ARFGAP3: variants seen among roughly 807,000 people sequenced by gnomAD.
The protein encoded by ARFGAP3 is ARF GTPase activating protein 3, also known as ADP-ribosylation factor GTPase-activating protein 3.
Under a neutral mutation model 75.0 loss-of-function variants are expected in ARFGAP3, and 72 were observed. The observed-to-expected ratio is 0.96, with a 90% CI of 0.79 to 1.17. The LOEUF (loss-of-function observed/expected upper bound fraction) is 1.17. Among genes scored for constraint, ARFGAP3 ranks in the 50% most tolerant of loss-of-function variants. The pLI is 0.00. For missense variants in ARFGAP3, 620 were observed against 626.6 expected, an observed-to-expected ratio of 0.99 and a Z score of 0.11; for synonymous variants, 221 against 217.9, an observed-to-expected ratio of 1.01 and a Z score of -0.13.
chr22:42,850,572 A>G (rs2746976), intron 1 of ARFGAP3, among the ~76,000 whole-genome samples: 1 of 16,024 alleles, frequency 6.2e-5, no homozygotes, highest in Admixed American at 1.4e-3. Flanking sequence ...CCCTGCTATC[A>G]AAAAAAAAAA....
intron 2 of ARFGAP3, among the ~76,000 whole-genome samples, chr22:42,846,619 C>T (rs182323975): frequency 3.2e-3 from 492 of 152,264 alleles, no homozygotes; most frequent in Non-Finnish European, 4.6e-3. Context: ...TTGAAACTGC[C>T]ACTAAAAATC....
At chr22:42,841,156 G>C in intron 2 of ARFGAP3, 140 bp from the exon 3 acceptor site, 41 of 1,440,728 alleles carry the variant, frequency 2.8e-5, no homozygotes, top group Non-Finnish European at 3.7e-5. Context: ...CCACACTTTT[G>C]GGATGCTAGG....
At chr22:42,840,536 C>T (rs1320898446) in intron 3 of ARFGAP3, among the ~76,000 whole-genome samples, 1 of 152,108 alleles carries the variant, frequency 6.6e-6, no homozygotes, top group South Asian at 2.1e-4. Context: ...CCCGCCTCAG[C>T]CTCCCGAGTA....
intron 5 of ARFGAP3, among the ~76,000 whole-genome samples, chr22:42,833,390 C>CA (rs1475190618): frequency 6.6e-6 from 1 of 152,124 alleles, no homozygotes; most frequent in East Asian, 1.9e-4. Flanking sequence ...ATAAGACATG[C>CA]AACTAAATTC....
chr22:42,834,171 T>G, intron 5 of ARFGAP3, 71 bp downstream of exon 5: 12 of 1,410,798 alleles, frequency 8.5e-6, no homozygotes, highest in South Asian at 1.2e-5. Flanking sequence ...CATCCTAACA[T>G]TTTAAATATG....
At chr22:42,835,564 G>A in intron 3 of ARFGAP3, 71 bp from the exon 4 acceptor site, 1 of 1,569,124 alleles carries the variant, frequency 6.4e-7, no homozygotes, top group Non-Finnish European at 8.7e-7. Context: ...GCTCATGCCT[G>A]TAATCCCAGC....
chr22:42,798,265 C>T (rs951421800), intron 15 of ARFGAP3, among the ~76,000 whole-genome samples: 3 of 151,614 alleles, frequency 2.0e-5, no homozygotes, highest in Non-Finnish European at 2.9e-5. Context: ...GGGAACTCTC[C>T]GGAATGGGTG....
intron 2 of ARFGAP3, chr22:42,847,183 T>TA: frequency 5.5e-6 from 1 of 180,254 alleles, no homozygotes. Context: ...TTTTTTTTTT[T>TA]AAGAGACAGG....
At chr22:42,852,522 G>A (rs1408334003) in intron 1 of ARFGAP3, among the ~76,000 whole-genome samples, 4 of 148,700 alleles carry the variant, frequency 2.7e-5, no homozygotes, top group African/African-American at 1.0e-4. Context: ...ACCACGCCTG[G>A]CTAATTTTTT....
At chr22:42,826,355 C>T (rs1432829286) in intron 7 of ARFGAP3, among the ~76,000 whole-genome samples, 1 of 151,200 alleles carries the variant, frequency 6.6e-6, no homozygotes, top group East Asian at 1.9e-4. Flanking sequence ...CCATCAGCAG[C>T]CATATTGGCT....
chr22:42,823,689 G>T lies in ARFGAP3; in HGVS notation c.639C>A (p.Ile213=). 1 of 1,571,756 alleles carries T rather than the reference G, an allele frequency of 6.4e-7. No homozygotes were observed. The highest frequency in any genetic ancestry group is 1.4e-5 in the African/African-American group (1 of 73,002). The change falls in exon 8 of 16, where the codon ATC becomes ATA. Residue 213 remains isoleucine (I), a synonymous_variant. Transcript: ENST00000263245. ...PTKATLEVSS[I]IKKKPNQAKK... ...TAGCTTGATTTGGTTTCTTTTTTAT[G>T]ATAGAGGATACCTCTGCCAAAAAAT...
chr22:42,854,858 T>C (rs1321258386), intron 1 of ARFGAP3, among the ~76,000 whole-genome samples: 3 of 152,190 alleles, frequency 2.0e-5, no homozygotes, highest in Non-Finnish European at 4.4e-5. Flanking sequence ...AAACCAATGA[T>C]CAAATAAAAG....
intron 14 of ARFGAP3, among the ~76,000 whole-genome samples, chr22:42,800,805 G>A (rs923137755): frequency 1.4e-4 from 22 of 152,224 alleles, no homozygotes; most frequent in Admixed American, 1.0e-3. Flanking sequence ...TGGAGGGGCC[G>A]GGTGGCCATG....
chr22:42,832,939 C>T (rs1453385532), intron 5 of ARFGAP3, among the ~76,000 whole-genome samples: 2 of 151,372 alleles, frequency 1.3e-5, no homozygotes, highest in East Asian at 1.9e-4. Flanking sequence ...GAGCCGAGAT[C>T]GCGCCATTGC....
intron 5 of ARFGAP3, among the ~76,000 whole-genome samples, chr22:42,833,166 C>T (rs867267707): frequency 7.2e-5 from 11 of 152,212 alleles, no homozygotes; most frequent in Non-Finnish European, 1.2e-4. Flanking sequence ...ATTTAGAGCA[C>T]TTACTGAAGG....
intron 3 of ARFGAP3, among the ~76,000 whole-genome samples, chr22:42,838,159 A>G (rs557946637): frequency 1.3e-5 from 2 of 151,946 alleles, no homozygotes; most frequent in South Asian, 4.2e-4. Flanking sequence ...TATCTAATTA[A>G]TTGATTTTTA....
intron 9 of ARFGAP3, among the ~76,000 whole-genome samples, chr22:42,820,765 C>T (rs1215298500): frequency 6.6e-6 from 1 of 152,172 alleles, no homozygotes; most frequent in East Asian, 1.9e-4. Context: ...ATCTTTGGTA[C>T]AGTCACGGTT....
intron 8 of ARFGAP3, among the ~76,000 whole-genome samples, chr22:42,823,038 G>C (rs1305223237): frequency 6.6e-6 from 1 of 152,048 alleles, no homozygotes; most frequent in African/African-American, 2.4e-5. Flanking sequence ...TTGAACTCCG[G>C]GGCTCAAGTG....
chr22:42,818,824 G>GTCTTTTTTTTTTTTTTTTTTT (rs1925689817), intron 9 of ARFGAP3, among the ~76,000 whole-genome samples: 1 of 138,446 alleles, frequency 7.2e-6, no homozygotes, highest in African/African-American at 2.6e-5. Context: ...ATTTCTTTCT[G>GTCTTTTTTTTTTTTTTTTTTT]TTTTTTGAAA....
Sources: allele counts gnomAD v4.1 joint callset (sites outside exome capture counted in the v4.1 genomes callset), GRCh38; gene constraint gnomAD v4.1.1; transcripts MANE v1.5; gene names NCBI Gene and HGNC (gene_info 2026-07-23, HGNC 2026-07-21).